TARS3: variants seen among roughly 807,000 people sequenced by gnomAD.
TARS3 encodes threonine--tRNA ligase 2, cytoplasmic.
A neutral mutation model predicts 103.5 loss-of-function variants in TARS3; 94 were observed. That is an observed-to-expected ratio of 0.91 (90% CI 0.77 to 1.08). The LOEUF (loss-of-function observed/expected upper bound fraction) is 1.08. Among genes scored for constraint, TARS3 ranks in the 50% least tolerant of loss-of-function variants. TARS3 has a pLI of 0.00. For missense variants in TARS3, 952 were observed against 995.2 expected, an observed-to-expected ratio of 0.96 and a Z score of 0.58; for synonymous variants, 416 against 355.4, an observed-to-expected ratio of 1.17 and a Z score of -1.92.
At position 101,714,907 on chromosome 15, in the gene TARS3, A is replaced by G. The variant is rs746274971; in HGVS notation, c.623T>C (p.Leu208Pro). The G allele has an allele frequency of 7.4e-6, 12 of 1,613,162 alleles. No individual in the cohort carries two copies. Among genetic ancestry groups the G allele is most frequent in the Middle Eastern group, 1.6e-4 (1 of 6,076 alleles). The change falls in exon 4 of 19, where the codon CTG becomes CCG. Residue 208 changes from leucine to proline, a missense_variant. Transcript: ENST00000335968. ...IAKVNGELWD[L>P]DRPLEGDSSL... Reference sequence around the variant, plus strand: ...AGAGTCCCCTTCCAATGGGCGGTCCAGGTCCCACAGTTCACCATTGACTTT... The same window carrying G: ...AGAGTCCCCTTCCAATGGGCGGTCCGGGTCCCACAGTTCACCATTGACTTT...
intron 18 of TARS3, among the ~76,000 whole-genome samples, chr15:101,656,220 C>A (rs1191154722): frequency 6.6e-6 from 1 of 152,204 alleles, no homozygotes; most frequent in African/African-American, 2.4e-5. Flanking sequence ...TTGTCTAAAC[C>A]AAGTTGAGAT....
chr15:101,657,015 C>T lies in TARS3; in HGVS notation c.2167G>A (p.Glu723Lys), dbSNP rs1396641273. The T allele has an allele frequency of 1.9e-6, 3 of 1,613,406 alleles. No individual in the cohort carries two copies. In the East Asian group the frequency reaches 6.7e-5, roughly 36 times the overall value. Residue 723 changes from glutamate (E) to lysine (K), a missense_variant, in exon 18 of 19, where the codon GAA (glutamate) becomes AAA (lysine). Physicochemically the swap from Glu to Lys is moderately conservative, Grantham distance 56 (BLOSUM62 1). This residue lies in a region of TARS3 where 540 missense variants were observed against 631.0 expected (regional missense o/e 0.86). Transcript: ENST00000335968. The part of the protein sequence containing the change: ...ALQVSSEFFE[E>K]GFMADVDLDH... ...AAGTCAACGTCAGCCATAAATCCTT[C>T]TTCAAAAAATTCACTGGATACCTAG...
chr15:101,682,084 C>T (rs1266012830), intron 12 of TARS3, among the ~76,000 whole-genome samples: 1 of 152,130 alleles, frequency 6.6e-6, no homozygotes, highest in East Asian at 1.9e-4. Flanking sequence ...ATGTCATTTA[C>T]AAGAGTTTTA....
intron 10 of TARS3, among the ~76,000 whole-genome samples, chr15:101,689,196 G>A (rs1470781702): frequency 3.3e-5 from 5 of 152,122 alleles, no homozygotes; most frequent in Non-Finnish European, 7.4e-5. Context: ...GGGAGAAGTC[G>A]TATTGCTTAC....
At chr15:101,660,855 T>G (rs1897349081) in intron 16 of TARS3, among the ~76,000 whole-genome samples, 1 of 152,242 alleles carries the variant, frequency 6.6e-6, no homozygotes, top group South Asian at 2.1e-4. Context: ...TTTAACAGAA[T>G]GGGTCCTCTT....
chr15:101,709,418 A>G (rs1163299299), intron 5 of TARS3, among the ~76,000 whole-genome samples: 1 of 152,054 alleles, frequency 6.6e-6, no homozygotes, highest in Non-Finnish European at 1.5e-5. Context: ...CTGCCACACT[A>G]GCTTCCTTGC....
At chr15:101,702,191 T>C (rs777218407) in intron 9 of TARS3, 48 bp downstream of exon 9, 5 of 1,597,984 alleles carry the variant, frequency 3.1e-6, no homozygotes. Flanking sequence ...GAAACATTCC[T>C]ATGTTGGCTT....
In TARS3 at chr15:101,699,302, C is replaced by G. The variant is rs145457718; in HGVS notation, c.1320+1784G>C. 120 of 422,010 alleles carry G rather than the reference C, an allele frequency of 2.8e-4. 1 individual carries two copies. The East Asian group carries it at 8.8e-3, about 31-fold the overall frequency. The allele number at this position is 422,010 out of a possible 1,614,324, so 26.1% of individuals were successfully genotyped here. A position where few individuals can be genotyped will look rare whatever the true frequency, so the allele number is the denominator to read the frequency against. On this transcript the variant is annotated intron_variant, in intron 10 of 18. Coordinates refer to ENST00000335968, the MANE Select transcript of TARS3 (RefSeq NM_152334.3). The stretch of plus-strand genomic sequence containing the variant: ...TGTCAAATATTCCCATTCCAAGCCT[C>G]AGGGACCCTTCCCAACCAGTGCCCT...
intron 3 of TARS3, among the ~76,000 whole-genome samples, 171 bp downstream of exon 3, chr15:101,720,955 C>A (rs114913657): frequency 6.6e-6 from 1 of 152,184 alleles, no homozygotes; most frequent in African/African-American, 2.4e-5. Context: ...CCCAGCCCTG[C>A]GGAACTGTGA....
intron 5 of TARS3, among the ~76,000 whole-genome samples, chr15:101,711,292 T>C (rs1210352734): frequency 6.6e-6 from 1 of 152,244 alleles, no homozygotes; most frequent in East Asian, 1.9e-4. Flanking sequence ...TGACTAAAAA[T>C]AATTTTCAGT....
intron 6 of TARS3, among the ~76,000 whole-genome samples, chr15:101,708,257 G>GAAAAAA (rs60601502): frequency 2.1e-5 from 1 of 48,602 alleles, no homozygotes; most frequent in Non-Finnish European, 3.4e-5. Context: ...GACTCTGTCT[G>GAAAAAA]AAAAAAAAAA....
intron 9 of TARS3, among the ~76,000 whole-genome samples, chr15:101,701,588 C>T (rs1314934847): frequency 1.3e-5 from 2 of 152,178 alleles, no homozygotes; most frequent in East Asian, 3.8e-4. Context: ...TCTTCACAGC[C>T]ACCCTGCAAG....
intron 5 of TARS3, 143 bp from the exon 6 acceptor site, chr15:101,709,053 G>T: frequency 1.7e-6 from 1 of 594,222 alleles, no homozygotes; most frequent in Non-Finnish European, 2.9e-6. Context: ...CGTTCATACA[G>T]TCACTACTCT....
chr15:101,666,308 T>C (rs907802290), intron 15 of TARS3, among the ~76,000 whole-genome samples: 3 of 151,768 alleles, frequency 2.0e-5, no homozygotes, highest in Admixed American at 2.0e-4. Context: ...AAACCCTGTC[T>C]CCACTAAAAA....
At chr15:101,711,621 T>C (rs1899871530) in intron 5 of TARS3, among the ~76,000 whole-genome samples, 1 of 152,240 alleles carries the variant, frequency 6.6e-6, no homozygotes, top group Admixed American at 6.5e-5. Context: ...GAATACAGTA[T>C]ATGATACACC....
Position 101,671,737 on chromosome 15 carries a change from G to A in TARS3, c.1800C>T (p.Asn600=). The change falls in exon 14 of 19, where the codon AAC becomes AAT. Residue 600 remains asparagine (N), a synonymous_variant. Coordinates refer to ENST00000335968, the MANE Select transcript of TARS3 (RefSeq NM_152334.3). ...ACGGTTCTCCAAAGTCCATCAAGCT[G>A]TTCTGCAGTTGCTTTTTCAAAAGAA... The part of the protein sequence containing the change: ...MWNEAEKQLQ[N]SLMDFGEPWK... 1 of 1,613,208 alleles carries A rather than the reference G, an allele frequency of 6.2e-7. No homozygotes were observed. The highest frequency in any genetic ancestry group is 1.1e-5 in the South Asian group (1 of 90,808).
chr15:101,669,425 ATTAT>A (rs1897711055), intron 15 of TARS3, among the ~76,000 whole-genome samples: 1 of 152,220 alleles, frequency 6.6e-6, no homozygotes, highest in Non-Finnish European at 1.5e-5. Flanking sequence ...GAAGAAAAAA[ATTAT>A]TTAAATTTAG....
At chr15:101,698,245 T>C (rs550620245) in intron 10 of TARS3, among the ~76,000 whole-genome samples, 1 of 152,142 alleles carries the variant, frequency 6.6e-6, no homozygotes, top group African/African-American at 2.4e-5. Flanking sequence ...GGCAGGAGAA[T>C]GGCGTGAGCC....
intron 13 of TARS3, 42 bp from the exon 14 acceptor site, chr15:101,671,790 C>T (rs1372315874): frequency 1.5e-6 from 2 of 1,349,226 alleles, no homozygotes; most frequent in Non-Finnish European, 2.0e-6. Context: ...TACACTGTAT[C>T]TTTTTTTTTT....
Sources: gnomAD v4.1 joint callset for allele counts (sites outside exome capture counted in the v4.1 genomes callset) on GRCh38, gnomAD v4.1.1 for gene constraint, gnomAD v4.1.1 regional missense constraint, MANE v1.5 for transcripts, NCBI Gene and HGNC (gene_info 2026-07-23, HGNC 2026-07-21) for gene names.